Variants in PFKP observed in about 807,000 individuals in gnomAD.
The protein encoded by PFKP is phosphofructokinase, platelet.
PFKP carries 101 observed loss-of-function variants against 94.3 expected under a neutral mutation model. That is an observed-to-expected ratio of 1.07 (90% CI 0.91 to 1.26). The LOEUF (loss-of-function observed/expected upper bound fraction) is 1.26, where lower values mean the gene tolerates loss of function less well. Among genes scored for constraint, PFKP ranks in the 50% most tolerant of loss-of-function variants. PFKP has a pLI of 0.00. For missense variants in PFKP, 1,145 were observed against 1,103.3 expected (o/e 1.04, Z -0.53); for synonymous variants, 573 against 432.6 (o/e 1.32, Z -4.03).
intron 2 of PFKP, among the ~76,000 whole-genome samples, chr10:3,086,705 G>GT (rs1833634072): frequency 5.3e-5 from 8 of 152,150 alleles, no homozygotes; most frequent in Admixed American, 4.6e-4. Context: ...GGGGTGGGGA[G>GT]TGAGGCCGAG....
chr10:3,082,957 C>T (rs765121856), intron 2 of PFKP, among the ~76,000 whole-genome samples: 10 of 152,166 alleles, frequency 6.6e-5, no homozygotes, highest in East Asian at 1.9e-4. Context: ...GCTATCCACC[C>T]GCCTTGGCCT....
At chr10:3,126,778 T>C (rs1252902368) in intron 16 of PFKP, among the ~76,000 whole-genome samples, 2 of 152,280 alleles carry the variant, frequency 1.3e-5, no homozygotes, top group East Asian at 1.9e-4. Context: ...AGTGTGGTGA[T>C]GTTTGAACTG....
At chr10:3,130,410 G>T (rs1008140222) in intron 17 of PFKP, among the ~76,000 whole-genome samples, 5 of 152,174 alleles carry the variant, frequency 3.3e-5, no homozygotes, top group Admixed American at 2.0e-4. Flanking sequence ...TGGTTTCTCG[G>T]CATCTGTGGC....
chr10:3,097,132 A>C (rs1652470859), intron 2 of PFKP, among the ~76,000 whole-genome samples: 1 of 150,422 alleles, frequency 6.6e-6, no homozygotes, highest in Non-Finnish European at 1.5e-5. Context: ...GATCACTGAA[A>C]CTGCAACCCC....
intron 2 of PFKP, among the ~76,000 whole-genome samples, chr10:3,094,836 T>TG: frequency 6.6e-6 from 1 of 152,122 alleles, no homozygotes; most frequent in Admixed American, 6.5e-5. Context: ...TTAGGTTCTG[T>TG]GGGGGAGGGA....
intron 2 of PFKP, among the ~76,000 whole-genome samples, chr10:3,097,090 AAC>A (rs200651338): frequency 6.9e-6 from 1 of 144,172 alleles, no homozygotes; most frequent in African/African-American, 2.6e-5. Flanking sequence ...AAAAACAAAA[AAC>A]AAAAAAACCT....
intron 5 of PFKP, among the ~76,000 whole-genome samples, chr10:3,104,201 C>G (rs1237705502): frequency 6.6e-6 from 1 of 152,156 alleles, no homozygotes; most frequent in Non-Finnish European, 1.5e-5. Flanking sequence ...AGTAATTATC[C>G]TCTAAATGTC....
At chr10:3,115,297 T>A (rs1458622398) in intron 13 of PFKP, among the ~76,000 whole-genome samples, 2 of 147,854 alleles carry the variant, frequency 1.4e-5, no homozygotes, top group African/African-American at 2.5e-5. Context: ...AGGACAGGAC[T>A]GGGGATGCTG....
chr10:3,080,381 G>A (rs1157373214), intron 1 of PFKP, among the ~76,000 whole-genome samples: 4 of 152,050 alleles, frequency 2.6e-5, no homozygotes, highest in Non-Finnish European at 4.4e-5. Context: ...GCCAGGCGTG[G>A]TGGCGGGCGC....
At position 3,129,884 on chromosome 10, in the gene PFKP, G is replaced by A; in HGVS notation, c.1749G>A (p.Met583Ile). The A allele has an allele frequency of 6.2e-7, 1 of 1,613,626 alleles. No individual in the cohort carries two copies. Among genetic ancestry groups the A allele is most frequent in the Non-Finnish European group, 8.5e-7 (1 of 1,179,954 alleles). ...GGCGCGTGTTCATCATCGAGACCAT[G>A]GGCGGCTACTGTGGCTACCTGGCCA... ...TKRRVFIIET[M>I]GGYCGYLANM... is the part of the protein sequence containing the mutation. The change falls in exon 17 of 22, where the codon ATG (methionine) becomes ATA (isoleucine). Residue 583 changes from methionine (M) to isoleucine (I), a missense_variant. Met to Ile is a conservative substitution (Grantham distance 10). Coordinates refer to ENST00000381125, the MANE Select transcript of PFKP (RefSeq NM_002627.5).
In PFKP at chr10:3,113,381, A is replaced by G; in HGVS notation, c.1234A>G (p.Asn412Asp). The change falls in exon 13 of 22, where the codon AAC (asparagine) becomes GAC (aspartate). Residue 412 changes from asparagine to aspartate, a missense_variant. Coordinates refer to ENST00000381125, the MANE Select transcript of PFKP (RefSeq NM_002627.5). ...PDDQIPKTNC[N>D]VAVINVGAPA... ...GCCTTCTGTTTTGCAGACCAATTGC[A>G]ACGTAGCTGTCATCAACGTGGGGGC... 2 of 1,586,110 alleles carry G rather than the reference A, an allele frequency of 1.3e-6. No individual in the cohort carries two copies. Among genetic ancestry groups the G allele is most frequent in the Non-Finnish European group, 1.7e-6 (2 of 1,162,742 alleles).
intron 15 of PFKP, 135 bp downstream of exon 15, chr10:3,119,004 T>G: frequency 9.4e-6 from 6 of 635,894 alleles, no homozygotes; most frequent in Non-Finnish European, 1.4e-5. Flanking sequence ...CACTGGAGAA[T>G]TGTAGAACAG....
At chr10:3,082,739 T>C (rs533055071) in intron 2 of PFKP, among the ~76,000 whole-genome samples, 1 of 152,340 alleles carries the variant, frequency 6.6e-6, no homozygotes, top group African/African-American at 2.4e-5. Flanking sequence ...TTTTCTTTTT[T>C]AGACAGTCTT....
chr10:3,130,222 GT>G (rs1838420078), intron 17 of PFKP, among the ~76,000 whole-genome samples: 7 of 152,120 alleles, frequency 4.6e-5, no homozygotes, highest in African/African-American at 1.7e-4. Context: ...AAGCTTGTTT[GT>G]TTGACATAGT....
chr10:3,095,060 T>G (rs1419045913), intron 2 of PFKP, among the ~76,000 whole-genome samples: 76 of 152,002 alleles, frequency 5.0e-4, no homozygotes, highest in Admixed American at 5.0e-3. Flanking sequence ...GTTAGTTGAG[T>G]GAAGAATTCA....
intron 16 of PFKP, among the ~76,000 whole-genome samples, chr10:3,128,387 A>T (rs1044964722): frequency 6.6e-6 from 1 of 152,182 alleles, no homozygotes; most frequent in Non-Finnish European, 1.5e-5. Flanking sequence ...CCTAGAAACC[A>T]GGTGGTGTTT....
chr10:3,108,182 GC>G (rs1443862538), intron 8 of PFKP, among the ~76,000 whole-genome samples: 2 of 152,166 alleles, frequency 1.3e-5, no homozygotes, highest in Admixed American at 1.3e-4. Context: ...AATTTACGTA[GC>G]CCAGCCCCAC....
intron 1 of PFKP, among the ~76,000 whole-genome samples, chr10:3,075,887 AGAGT>A (rs1832536011): frequency 6.9e-6 from 1 of 145,344 alleles, no homozygotes; most frequent in Admixed American, 6.9e-5. Context: ...CCTGGGCAAC[AGAGT>A]GAGACCCTAT....
At chr10:3,125,190 A>T in intron 16 of PFKP, 1 of 1,349,604 alleles carries the variant, frequency 7.4e-7, no homozygotes, top group Non-Finnish European at 9.9e-7. Flanking sequence ...GATTAGCAAC[A>T]ATGTCCCAGG....
Sources: gnomAD v4.1 joint callset for allele counts (sites outside exome capture counted in the v4.1 genomes callset) on GRCh38, gnomAD v4.1.1 for gene constraint, MANE v1.5 for transcripts, NCBI Gene and HGNC (gene_info 2026-07-23, HGNC 2026-07-21) for gene names.